Variants in ERICH5 observed in about 807,000 individuals in gnomAD.
ERICH5 encodes glutamate rich 5, also known as glutamate-rich protein 5.
In ERICH5, 24 loss-of-function variants were observed where a neutral mutation model predicts 28.0. That is an observed-to-expected ratio of 0.86 (90% CI 0.62 to 1.21). The LOEUF is 1.21. ERICH5 is among the 50% of genes most tolerant of loss of function. ERICH5 has a pLI of 0.00. For synonymous variants in ERICH5, 163 were observed against 157.6 expected, an observed-to-expected ratio of 1.03 and a Z score of -0.25; for missense variants, 421 against 441.2, an observed-to-expected ratio of 0.95 and a Z score of 0.41.
chr8:98,085,756 C>T (rs1307756022), intron 1 of ERICH5, among the ~76,000 whole-genome samples: 2 of 152,222 alleles, frequency 1.3e-5, no homozygotes, highest in Non-Finnish European at 2.9e-5. Flanking sequence ...GGCTTCTGCG[C>T]CAGCCTCCAG....
At chr8:98,070,660 CAAAAA>C (rs769042472) in intron 1 of ERICH5, among the ~76,000 whole-genome samples, 406 of 38,738 alleles carry the variant, frequency 0.01, 2 homozygotes, top group Non-Finnish European at 0.018. Flanking sequence ...AACTGCATCT[CAAAAA>C]AAAAAAAAAA....
At chr8:98,078,578 A>G (rs1431072262) in intron 1 of ERICH5, among the ~76,000 whole-genome samples, 1 of 152,232 alleles carries the variant, frequency 6.6e-6, no homozygotes, top group Non-Finnish European at 1.5e-5. Context: ...AAAAGCTTCC[A>G]TCATAATGTG....
intron 1 of ERICH5, among the ~76,000 whole-genome samples, chr8:98,077,686 G>T (rs1363869387): frequency 6.6e-6 from 1 of 152,090 alleles, no homozygotes; most frequent in East Asian, 1.9e-4. Flanking sequence ...TGTTCCAAGA[G>T]TACCTTTCTA....
Position 98,073,432 on chromosome 8 carries a change from CTATATATATATATATATATATATATA to C in ERICH5, c.58+8707_58+8732del, listed in dbSNP as rs1185025027. On this transcript the variant is annotated intron_variant, in intron 1 of 2. Transcript: ENST00000318528. The stretch of plus-strand genomic sequence containing the variant: ...TCTCTCTCTCTCTCTCTCTCTCTCT[CTATATATATATATATATATATATATA>C]TGTATATATATATATATATATATAT... Among the ~76,000 whole-genome samples, 2 of 15,040 alleles carry C rather than the reference CTATATATATATATATATATATATATA, an allele frequency of 1.3e-4. 1 individual carries two copies. The highest frequency in any genetic ancestry group is 4.9e-4 in the African/African-American group (2 of 4,050). 9.9% of individuals were successfully genotyped at this position (15,040 alleles called of 152,430 possible).
At chr8:98,088,704 A>C (rs2444861) in intron 1 of ERICH5, among the ~76,000 whole-genome samples, 1 of 152,122 alleles carries the variant, frequency 6.6e-6, no homozygotes, top group South Asian at 2.1e-4. Context: ...TGGAAAAAAA[A>C]TTTTTTAAAA....
At chr8:98,064,782 C>T in intron 1 of ERICH5, 55 bp downstream of exon 1, 1 of 1,462,672 alleles carries the variant, frequency 6.8e-7, no homozygotes, top group African/African-American at 1.4e-5. Context: ...GGTGGGCTAA[C>T]TCCCCAGGAG....
At chr8:98,074,259 A>G in intron 1 of ERICH5, among the ~76,000 whole-genome samples, 1 of 152,130 alleles carries the variant, frequency 6.6e-6, no homozygotes, top group Admixed American at 6.5e-5. Flanking sequence ...TATTAAGTCA[A>G]TAATAGCACA....
At chr8:98,068,716 A>T (rs1814860921) in intron 1 of ERICH5, among the ~76,000 whole-genome samples, 1 of 152,188 alleles carries the variant, frequency 6.6e-6, no homozygotes, top group Non-Finnish European at 1.5e-5. Flanking sequence ...AATCTTTCCT[A>T]ATATAAATGG....
intron 1 of ERICH5, among the ~76,000 whole-genome samples, chr8:98,076,834 A>G (rs1014790735): frequency 8.6e-5 from 13 of 151,876 alleles, no homozygotes; most frequent in African/African-American, 2.7e-4. Context: ...AAAAATTCCC[A>G]GGTCATGCTG....
intron 1 of ERICH5, among the ~76,000 whole-genome samples, chr8:98,078,322 C>A (rs1446281085): frequency 6.6e-6 from 1 of 152,188 alleles, no homozygotes; most frequent in Non-Finnish European, 1.5e-5. Context: ...GTGGACTACT[C>A]CTCTGGGGTT....
intron 2 of ERICH5, among the ~76,000 whole-genome samples, chr8:98,091,873 TTTC>T (rs1815397328): frequency 5.4e-5 from 5 of 92,550 alleles, no homozygotes; most frequent in Non-Finnish European, 1.1e-4. Flanking sequence ...TCTTTCTTTC[TTTC>T]TTTCTTTCTT....
chr8:98,078,778 G>A (rs1377709688), intron 1 of ERICH5, among the ~76,000 whole-genome samples: 1 of 152,192 alleles, frequency 6.6e-6, no homozygotes, highest in Admixed American at 6.5e-5. Flanking sequence ...ATTAGGCTCA[G>A]AGCAGTGTAT....
At chr8:98,068,210 C>G (rs974843572) in intron 1 of ERICH5, among the ~76,000 whole-genome samples, 1 of 152,066 alleles carries the variant, frequency 6.6e-6, no homozygotes, top group South Asian at 2.1e-4. Context: ...CATTAGGTTG[C>G]ACAGGAATAA....
At chr8:98,090,073 T>C (rs759553390) in intron 2 of ERICH5, 44 bp downstream of exon 2, 2 of 1,424,806 alleles carry the variant, frequency 1.4e-6, no homozygotes, top group Non-Finnish European at 1.9e-6. Context: ...ATGTGCTCCA[T>C]AGGAGACCAG....
intron 2 of ERICH5, among the ~76,000 whole-genome samples, chr8:98,091,958 T>TTCTC (rs1429237263): frequency 1.4e-5 from 1 of 69,464 alleles, no homozygotes; most frequent in Non-Finnish European, 3.3e-5. Context: ...TCTTCTTTCT[T>TTCTC]TCTTTTTTCT....
intron 1 of ERICH5, among the ~76,000 whole-genome samples, chr8:98,065,648 T>C (rs1814806523): frequency 6.6e-6 from 1 of 152,194 alleles, no homozygotes; most frequent in Non-Finnish European, 1.5e-5. Context: ...AATTAGAGAA[T>C]GACAGGGTTT....
chr8:98,087,254 C>A (rs1320219745), intron 1 of ERICH5, among the ~76,000 whole-genome samples: 1 of 151,942 alleles, frequency 6.6e-6, no homozygotes, highest in Non-Finnish European at 1.5e-5. Context: ...CATTTAGCAA[C>A]ATAGAAAAAA....
intron 2 of ERICH5, among the ~76,000 whole-genome samples, chr8:98,092,886 T>C (rs1375437625): frequency 4.0e-5 from 6 of 151,794 alleles, no homozygotes; most frequent in African/African-American, 1.5e-4. Context: ...AGTGATTCTC[T>C]TGCCTCAGCC....
chr8:98,078,407 A>G (rs1008304538), intron 1 of ERICH5, among the ~76,000 whole-genome samples: 1 of 152,222 alleles, frequency 6.6e-6, no homozygotes, highest in Non-Finnish European at 1.5e-5. Flanking sequence ...AAGGAAAAAC[A>G]CCAGGACCCC....
Sources: allele counts gnomAD v4.1 joint callset (sites outside exome capture counted in the v4.1 genomes callset), GRCh38; gene constraint gnomAD v4.1.1; transcripts MANE v1.5; gene names NCBI Gene and HGNC (gene_info 2026-07-23, HGNC 2026-07-21).